Variants in CACNA2D3 observed in about 807,000 individuals in gnomAD.
The protein encoded by CACNA2D3 is calcium voltage-gated channel auxiliary subunit alpha2delta 3.
CACNA2D3 carries 60 observed loss-of-function variants against 160.6 expected under a neutral mutation model. That is an observed-to-expected ratio of 0.37 (90% CI 0.30 to 0.46). The LOEUF is 0.46. Among genes scored for constraint, CACNA2D3 ranks in the 20% least tolerant of loss-of-function variants. The probability of loss-of-function intolerance (pLI) is 1.00; values close to 1 mark genes in which losing one functional copy is unlikely to be tolerated. For synonymous variants in CACNA2D3, 558 were observed against 492.9 expected (o/e 1.13, Z -1.75); for missense variants, 1,205 against 1,365.0 (o/e 0.88, Z 1.85).
intron 14 of CACNA2D3, among the ~76,000 whole-genome samples, chr3:54,826,659 C>G (rs989741634): frequency 2.6e-5 from 4 of 152,130 alleles, no homozygotes; most frequent in African/African-American, 9.7e-5. Flanking sequence ...GACTCCCTTC[C>G]TCTATAACAA....
chr3:54,216,808 A>G (rs2107371014), intron 2 of CACNA2D3, among the ~76,000 whole-genome samples: 1 of 152,338 alleles, frequency 6.6e-6, no homozygotes, highest in South Asian at 2.1e-4. Flanking sequence ...AGGAGAAATC[A>G]GGAAACCAGC....
In CACNA2D3 at chr3:54,620,119, A is replaced by C. The variant is rs902843421; in HGVS notation, c.964-7668A>C. ...TGGGACCACAGAACCCCATGAGCTT[A>C]TCTGGAAGTCTCACTGAGGAGTTGG... On this transcript the variant is annotated intron_variant, in intron 9 of 37. Transcript: ENST00000474759. Among the ~76,000 whole-genome samples, 75 of 152,156 alleles carry C rather than the reference A, an allele frequency of 4.9e-4. 1 individual carries two copies. The highest frequency in any genetic ancestry group is 1.2e-4 in the Non-Finnish European group (8 of 68,030).
intron 10 of CACNA2D3, among the ~76,000 whole-genome samples, chr3:54,630,888 G>T (rs928583804): frequency 6.6e-6 from 1 of 152,044 alleles, no homozygotes; most frequent in Non-Finnish European, 1.5e-5. Context: ...GCAAAAAGCC[G>T]AATAAATGTT....
chr3:54,176,294 C>A (rs981300592), intron 2 of CACNA2D3, among the ~76,000 whole-genome samples: 1 of 152,186 alleles, frequency 6.6e-6, no homozygotes, highest in Non-Finnish European at 1.5e-5. Flanking sequence ...TGCTTAGTTT[C>A]AAATTTCCCT....
At chr3:55,014,962 G>A (rs770191042) in intron 34 of CACNA2D3, among the ~76,000 whole-genome samples, 1 of 152,124 alleles carries the variant, frequency 6.6e-6, no homozygotes, top group Non-Finnish European at 1.5e-5. Flanking sequence ...GCCAATAGTC[G>A]TGCTGCAAAT....
intron 35 of CACNA2D3, among the ~76,000 whole-genome samples, chr3:55,029,143 T>C (rs1703628973): frequency 1.3e-5 from 2 of 152,176 alleles, no homozygotes; most frequent in African/African-American, 2.4e-5. Flanking sequence ...CAAGTGAGGC[T>C]TCTGGAAATG....
intron 16 of CACNA2D3, among the ~76,000 whole-genome samples, chr3:54,846,083 G>A (rs979076072): frequency 1.3e-5 from 2 of 151,816 alleles, no homozygotes; most frequent in African/African-American, 2.4e-5. Flanking sequence ...AGAAACATTA[G>A]CCACTTTCTT....
chr3:55,060,185 T>C (rs971535312), intron 35 of CACNA2D3, among the ~76,000 whole-genome samples: 1 of 152,146 alleles, frequency 6.6e-6, no homozygotes, highest in Non-Finnish European at 1.5e-5. Flanking sequence ...GCCTGAGAGC[T>C]GGAATCCAGA....
At chr3:54,671,419 A>G (rs1053512495) in intron 11 of CACNA2D3, among the ~76,000 whole-genome samples, 9 of 151,990 alleles carry the variant, frequency 5.9e-5, no homozygotes, top group African/African-American at 1.9e-4. Flanking sequence ...ACCTATTTCT[A>G]TTCTATTCTG....
intron 9 of CACNA2D3, among the ~76,000 whole-genome samples, chr3:54,602,795 A>AT (rs1253780566): frequency 6.6e-6 from 1 of 152,088 alleles, no homozygotes; most frequent in African/African-American, 2.4e-5. Flanking sequence ...TGTCTTTGTT[A>AT]TTTTTTAAAC....
At chr3:54,792,773 G>A (rs1702787673) in intron 13 of CACNA2D3, among the ~76,000 whole-genome samples, 1 of 152,070 alleles carries the variant, frequency 6.6e-6, no homozygotes, top group Non-Finnish European at 1.5e-5. Context: ...CCAGTCATGT[G>A]GTCAGCAAGA....
Position 54,846,404 on chromosome 3 carries a change from C to T in CACNA2D3, c.1563C>T (p.His521=), listed in dbSNP as rs376454319. Residue 521 remains histidine, a synonymous_variant, in exon 17 of 38, where the codon CAC becomes CAT. Transcript: ENST00000474759. ...KTIPKYKLGI[H]GYAFAITNNG... ...GCTTCCTCTTACAGTTAGGGATTCA[C>T]GGTTATGCCTTTGCAATCACAAATA... 20 of 1,604,160 alleles carry T rather than the reference C, an allele frequency of 1.2e-5. No individual in the cohort carries two copies. Among genetic ancestry groups the T allele is most frequent in the African/African-American group, 2.7e-5 (2 of 74,758 alleles).
chr3:54,198,678 GT>G (rs1342271875), intron 2 of CACNA2D3, among the ~76,000 whole-genome samples: 1 of 152,266 alleles, frequency 6.6e-6, no homozygotes, highest in Non-Finnish European at 1.5e-5. Flanking sequence ...GGGATTCAAG[GT>G]TTCATATCTG....
chr3:54,168,171 T>C (rs937321429), intron 2 of CACNA2D3, among the ~76,000 whole-genome samples: 1 of 152,212 alleles, frequency 6.6e-6, no homozygotes, highest in Non-Finnish European at 1.5e-5. Flanking sequence ...AGAAGAGATC[T>C]TGAGAAGAGA....
chr3:54,509,372 A>T (rs991474249), intron 5 of CACNA2D3, among the ~76,000 whole-genome samples: 1 of 152,098 alleles, frequency 6.6e-6, no homozygotes, highest in Non-Finnish European at 1.5e-5. Context: ...TGACCCCAGG[A>T]TGTCAGAAAC....
intron 13 of CACNA2D3, among the ~76,000 whole-genome samples, chr3:54,809,010 T>C (rs1318022812): frequency 1.3e-5 from 2 of 152,166 alleles, no homozygotes; most frequent in Non-Finnish European, 2.9e-5. Context: ...GCTCGTTTAA[T>C]CCTCACATTA....
intron 4 of CACNA2D3, among the ~76,000 whole-genome samples, chr3:54,484,839 G>A (rs1249327781): frequency 2.6e-5 from 4 of 151,160 alleles, no homozygotes; most frequent in Non-Finnish European, 4.4e-5. Flanking sequence ...AACCACCTAG[G>A]TAGATAATTT....
intron 13 of CACNA2D3, among the ~76,000 whole-genome samples, chr3:54,788,625 A>T (rs1212016830): frequency 6.6e-6 from 1 of 152,122 alleles, no homozygotes; most frequent in African/African-American, 2.4e-5. Context: ...CTCCTTGACA[A>T]CTCAATGGAC....
chr3:54,536,112 G>A (rs1296584513), intron 5 of CACNA2D3, among the ~76,000 whole-genome samples: 1 of 152,146 alleles, frequency 6.6e-6, no homozygotes, highest in African/African-American at 2.4e-5. Flanking sequence ...CCCTAAAGCA[G>A]CAAAAAGTTA....
Sources: gnomAD v4.1 joint callset for allele counts (sites outside exome capture counted in the v4.1 genomes callset) on GRCh38, gnomAD v4.1.1 for gene constraint, MANE v1.5 for transcripts, NCBI Gene and HGNC (gene_info 2026-07-23, HGNC 2026-07-21) for gene names.